Variants in CCDC15 observed in about 807,000 individuals in gnomAD.
The protein encoded by CCDC15 is coiled-coil domain containing 15, also known as coiled-coil domain-containing protein 15.
In CCDC15, 105 loss-of-function variants were observed where a neutral mutation model predicts 114.5. The observed-to-expected ratio is 0.92, with a 90% confidence interval of 0.78 to 1.08. The LOEUF (loss-of-function observed/expected upper bound fraction) is 1.08, where lower values mean the gene tolerates loss of function less well. Among genes scored for constraint, CCDC15 ranks in the 50% least tolerant of loss-of-function variants. The pLI, the probability that CCDC15 is intolerant of heterozygous loss-of-function variation, is 0.00. For synonymous variants in CCDC15, 334 were observed against 377.8 expected (o/e 0.88, Z 1.34); for missense variants, 1,105 against 1,093.6 (o/e 1.01, Z -0.15).
chr11:125,015,910 C>G (rs1049144876), intron 13 of CCDC15, among the ~76,000 whole-genome samples: 4 of 152,146 alleles, frequency 2.6e-5, no homozygotes, highest in Admixed American at 6.5e-5. Flanking sequence ...CTGCCTCTAG[C>G]CCCCGGGCAG....
chr11:124,956,434 C>T (rs1947550368), intron 2 of CCDC15, among the ~76,000 whole-genome samples: 1 of 151,690 alleles, frequency 6.6e-6, no homozygotes, highest in Non-Finnish European at 1.5e-5. Flanking sequence ...GAGTGAGACC[C>T]CATCTCTGGA....
At chr11:125,005,311 A>G (rs1442106679) in intron 13 of CCDC15, 99 bp downstream of exon 13, 2 of 513,396 alleles carry the variant, frequency 3.9e-6, no homozygotes, top group Admixed American at 3.9e-5. Context: ...CCTCTGATCC[A>G]TATTGAAAAC....
Position 124,986,691 on chromosome 11 carries a change from T to TGTGTGTGTGTGTGTG in CCDC15, c.754-51_754-50insGTGTGTGTGTGTGTG, listed in dbSNP as rs1555068459. ...GCTGTGTGTGTGTGTGTGTGTGTGT[T>TGTGTGTGTGTGTGTG]TGTGTGTGTGCGCGCGCGCGCGTGC... On this transcript the variant is annotated intron_variant, in intron 6 of 15. Transcript: ENST00000344762. 3.4e-4 allele frequency: 410 copies of TGTGTGTGTGTGTGTG among 1,222,868 alleles called. 4 individuals are homozygous for TGTGTGTGTGTGTGTG. In the African/African-American group the frequency reaches 6.0e-3, roughly 18 times the overall value. 75.8% of individuals were successfully genotyped at this position (1,222,868 alleles called of 1,614,324 possible). A position where few individuals can be genotyped will look rare whatever the true frequency, so the allele number is the denominator to read the frequency against.
chr11:124,988,120 C>G lies in CCDC15; in HGVS notation c.1894C>G (p.Leu632Val). 6.2e-7 allele frequency: 1 copy of G among 1,610,824 alleles called. No homozygotes were observed. Among genetic ancestry groups the G allele is most frequent in the Non-Finnish European group, 8.5e-7 (1 of 1,178,780 alleles). ...ACCCAAATGTCAGGACCAAGATTTT[C>G]TACCAAAATATCAGGTAAAATAGAG... Reference protein sequence around the residue: ...ILPKCQDQDFLPKYQKVHFKE... With the variant: ...ILPKCQDQDFVPKYQKVHFKE... Residue 632 changes from leucine (L) to valine (V), a missense_variant, in exon 8 of 16, where the codon CTA (leucine) becomes GTA (valine). Leu to Val is a conservative substitution (Grantham distance 32). Coordinates refer to ENST00000344762, the MANE Select transcript of CCDC15 (RefSeq NM_025004.3).
intron 8 of CCDC15, among the ~76,000 whole-genome samples, chr11:124,989,155 C>T (rs1948227590): frequency 6.6e-6 from 1 of 152,182 alleles, no homozygotes; most frequent in South Asian, 2.1e-4. Flanking sequence ...ATTTCTTGAT[C>T]CACAAACTAC....
chr11:125,003,493 T>G (rs1053599385), intron 11 of CCDC15, among the ~76,000 whole-genome samples: 1 of 151,962 alleles, frequency 6.6e-6, no homozygotes, highest in Non-Finnish European at 1.5e-5. Context: ...AAATTCAAAG[T>G]GATCATATAT....
intron 14 of CCDC15, 55 bp from the exon 15 acceptor site, chr11:125,038,866 A>G (rs753111415): frequency 6.4e-7 from 1 of 1,552,538 alleles, no homozygotes; most frequent in Non-Finnish European, 8.8e-7. Context: ...ATCAGGATTC[A>G]TACTCACTTT....
In CCDC15 at chr11:124,954,740, G is replaced by C; in HGVS notation, c.8G>C (p.Gly3Ala). 1 of 1,613,784 alleles carries C rather than the reference G, an allele frequency of 6.2e-7. No homozygotes were observed. The highest frequency in any genetic ancestry group is 8.5e-7 in the Non-Finnish European group (1 of 1,179,796). Residue 3 changes from glycine (G) to alanine (A), a missense_variant, in exon 2 of 16, where the codon GGA (glycine) becomes GCA (alanine). Transcript: ENST00000344762. ...CCTAATCAGGAGTCACAGATGCTGGGAAGTATGGCCCGAAAGAAACCTCGA... is the reference window on the plus strand; with the variant it reads ...CCTAATCAGGAGTCACAGATGCTGGCAAGTATGGCCCGAAAGAAACCTCGA... Reference protein sequence around the residue: MLGSMARKKPRNT... With the variant: MLASMARKKPRNT...
intron 13 of CCDC15, among the ~76,000 whole-genome samples, chr11:125,020,286 A>C (rs1447902843): frequency 6.6e-6 from 1 of 151,848 alleles, no homozygotes; most frequent in Non-Finnish European, 1.5e-5. Flanking sequence ...AGCAGAAATC[A>C]TTTTATCTGA....
At chr11:124,992,732 G>C (rs1948293144) in intron 10 of CCDC15, 45 bp downstream of exon 10, 1 of 1,088,352 alleles carries the variant, frequency 9.2e-7, no homozygotes, top group Non-Finnish European at 1.4e-6. Context: ...TCTAAAAGGG[G>C]AACAAGCCTA....
chr11:125,023,540 A>G (rs541374353), intron 13 of CCDC15, among the ~76,000 whole-genome samples: 1 of 152,182 alleles, frequency 6.6e-6, no homozygotes, highest in African/African-American at 2.4e-5. Context: ...AAGCACATGA[A>G]AAGATGCTCA....
At chr11:124,958,975 T>C in intron 2 of CCDC15, 140 bp from the exon 3 acceptor site, 1 of 526,112 alleles carries the variant, frequency 1.9e-6, no homozygotes, top group Non-Finnish European at 3.2e-6. Context: ...TTGATACTCA[T>C]ACATTCCATT....
chr11:124,959,373 T>G (rs553730545), intron 3 of CCDC15, 109 bp downstream of exon 3: 1 of 905,416 alleles, frequency 1.1e-6, no homozygotes, highest in East Asian at 3.0e-5. Context: ...ATGCCTAATA[T>G]AATCTAATTA....
chr11:124,960,430 A>G (rs991310446), intron 4 of CCDC15, among the ~76,000 whole-genome samples: 1 of 152,082 alleles, frequency 6.6e-6, no homozygotes, highest in Non-Finnish European at 1.5e-5. Context: ...TCCAAGTTAT[A>G]TTGAAATTAT....
intron 13 of CCDC15, among the ~76,000 whole-genome samples, chr11:125,010,730 C>T (rs772562627): frequency 4.6e-4 from 70 of 152,186 alleles, no homozygotes; most frequent in Non-Finnish European, 8.7e-4. Context: ...TAAATATCTT[C>T]TACCATTCTG....
At chr11:124,967,300 C>T (rs556184901) in intron 4 of CCDC15, among the ~76,000 whole-genome samples, 1 of 152,238 alleles carries the variant, frequency 6.6e-6, no homozygotes, top group African/African-American at 2.4e-5. Flanking sequence ...GGTCTTTTCA[C>T]ATAGTCCCAT....
chr11:125,005,145 A>G lies in CCDC15; in HGVS notation c.2344A>G (p.Met782Val). ...KQYLRHRRLF[M>V]DIEREQVKEQ... is the part of the protein sequence containing the mutation. Reference sequence around the variant, plus strand: ...GTACCTGAGACATAGACGACTTTTCATGGATATTGAGAGAGAACAAGTTAA... The same window carrying G: ...GTACCTGAGACATAGACGACTTTTCGTGGATATTGAGAGAGAACAAGTTAA... Residue 782 changes from methionine to valine, a missense_variant, in exon 13 of 16, where the codon ATG becomes GTG. By Grantham distance (21) the Met-to-Val change is conservative. Transcript: ENST00000344762. 6.4e-7 allele frequency: 1 copy of G among 1,567,860 alleles called. No homozygotes were observed. The highest frequency in any genetic ancestry group is 8.7e-7 in the Non-Finnish European group (1 of 1,152,944).
At chr11:124,966,019 T>C (rs1448727595) in intron 4 of CCDC15, among the ~76,000 whole-genome samples, 1 of 152,232 alleles carries the variant, frequency 6.6e-6, no homozygotes. Flanking sequence ...TCTGTTGTGA[T>C]TTCTGTTCTT....
chr11:124,991,135 G>A (rs1419615748), intron 8 of CCDC15, among the ~76,000 whole-genome samples: 2 of 152,206 alleles, frequency 1.3e-5, no homozygotes, highest in Non-Finnish European at 2.9e-5. Flanking sequence ...TTGATAGGTA[G>A]GAGAGGGAGA....
Sources: gnomAD v4.1 joint callset for allele counts (sites outside exome capture counted in the v4.1 genomes callset) on GRCh38, gnomAD v4.1.1 for gene constraint, MANE v1.5 for transcripts, NCBI Gene and HGNC (gene_info 2026-07-23, HGNC 2026-07-21) for gene names.